The following AGBL1 variants were observed in gnomAD, a reference collection of about 807,000 sequenced individuals.
The protein encoded by AGBL1 is cytosolic carboxypeptidase 4.
A neutral mutation model predicts 118.9 loss-of-function variants in AGBL1; 130 were observed. That is an observed-to-expected ratio of 1.09 (90% CI 0.95 to 1.26). AGBL1 has a LOEUF of 1.26. Ranked by LOEUF, AGBL1 falls within the 50% of genes most tolerant of loss-of-function variation. The pLI is 0.00. For missense variants in AGBL1, 1,584 were observed against 1,298.1 expected (o/e 1.22, Z -3.38); for synonymous variants, 555 against 478.9 (o/e 1.16, Z -2.08).
rs193099605 is a variant in AGBL1 at position 86,366,642 on chromosome 15, C to G, written c.2375-30724C>G. On this transcript the variant is annotated intron_variant, in intron 17 of 22. Transcript: ENST00000614907. ...TCTTGCCCGTTCTTATTTGTTCAGTCTCTGAACTACTCTTTGGAAGGATGT... is the reference window on the plus strand; with the variant it reads ...TCTTGCCCGTTCTTATTTGTTCAGTGTCTGAACTACTCTTTGGAAGGATGT... Among the ~76,000 whole-genome samples the G allele has an allele frequency of 3.4e-4, 52 of 152,272 alleles. 1 individual carries two copies. The East Asian group carries it at 9.6e-3, about 28-fold the overall frequency.
At chr15:86,741,469 A>G (rs986442609) in intron 22 of AGBL1, among the ~76,000 whole-genome samples, 2 of 147,888 alleles carry the variant, frequency 1.4e-5, no homozygotes, top group Non-Finnish European at 3.0e-5. Flanking sequence ...GAAATGATGA[A>G]TGATTAGAAA....
intron 22 of AGBL1, among the ~76,000 whole-genome samples, chr15:86,796,708 C>T (rs1389675872): frequency 6.6e-6 from 1 of 152,180 alleles, no homozygotes; most frequent in East Asian, 1.9e-4. Flanking sequence ...ATTATTAGAA[C>T]ATAGCTACAC....
chr15:86,928,743 A>G (rs763309950), intron 23 of AGBL1, among the ~76,000 whole-genome samples: 7 of 152,200 alleles, frequency 4.6e-5, no homozygotes, highest in Non-Finnish European at 1.0e-4. Flanking sequence ...TGTTTCTGGC[A>G]ATAAAGCATT....
chr15:86,225,046 T>TC, intron 6 of AGBL1, 95 bp downstream of exon 6: 1 of 1,218,880 alleles, frequency 8.2e-7, no homozygotes. Context: ...TTTTTTTTTT[T>TC]TTCATGAACT....
chr15:86,402,481 A>G (rs2081463464), intron 18 of AGBL1, among the ~76,000 whole-genome samples: 1 of 152,126 alleles, frequency 6.6e-6, no homozygotes, highest in Admixed American at 6.6e-5. Context: ...GACTTCAAGT[A>G]CTATGTTGAA....
chr15:86,095,935 T>C (rs1489965123), intron 1 of AGBL1, among the ~76,000 whole-genome samples: 2 of 152,118 alleles, frequency 1.3e-5, no homozygotes, highest in Admixed American at 6.6e-5. Flanking sequence ...AAATAAGTGG[T>C]AGTGAAGAGA....
chr15:86,381,614 G>C (rs1272334123), intron 17 of AGBL1, among the ~76,000 whole-genome samples: 1 of 152,130 alleles, frequency 6.6e-6, no homozygotes, highest in East Asian at 1.9e-4. Context: ...GGGCCAGACA[G>C]CATAGGAGAA....
At chr15:86,857,733 G>T (rs2079503856) in intron 22 of AGBL1, among the ~76,000 whole-genome samples, 1 of 152,164 alleles carries the variant, frequency 6.6e-6, no homozygotes, top group Non-Finnish European at 1.5e-5. Flanking sequence ...GGCAAGGACG[G>T]TGTCCGTCTC....
chr15:86,394,396 C>G (rs1170579982), intron 17 of AGBL1, among the ~76,000 whole-genome samples: 1 of 152,146 alleles, frequency 6.6e-6, no homozygotes, highest in African/African-American at 2.4e-5. Context: ...TGTCAAATAT[C>G]ATTCTCCCTA....
chr15:86,429,203 G>A (rs2142035827), intron 18 of AGBL1, among the ~76,000 whole-genome samples: 1 of 152,308 alleles, frequency 6.6e-6, no homozygotes. Context: ...TCATACTCCG[G>A]ATGGCAAGAA....
chr15:86,966,341 ATACTT>A (rs2081052841), intron 23 of AGBL1, among the ~76,000 whole-genome samples: 1 of 132,036 alleles, frequency 7.6e-6, no homozygotes, highest in African/African-American at 2.8e-5. Context: ...TTTTATTATT[ATACTT>A]TAAGTTTTGG....
chr15:86,883,629 C>T (rs182936536), intron 22 of AGBL1, among the ~76,000 whole-genome samples: 7 of 152,142 alleles, frequency 4.6e-5, no homozygotes, highest in South Asian at 2.1e-4. Context: ...AAGCCCATCT[C>T]GCCCCGACTC....
rs917463699 is a variant in AGBL1 at position 86,671,944 on chromosome 15, C to G, written c.2995-2329C>G. ...TGCCTTTGAAAAATTCTCTTCCACA[C>G]CAGTGATGGGGTGTGAGAGGAGGTC... On this transcript the variant is annotated intron_variant, in intron 21 of 22. Coordinates refer to ENST00000614907, the MANE Select transcript of AGBL1 (RefSeq NM_001386094.1). Among the ~76,000 whole-genome samples the G allele has an allele frequency of 2.6e-5, 4 of 152,138 alleles. No individual in the cohort carries two copies. The East Asian group carries it at 7.7e-4, about 29-fold the overall frequency.
intron 24 of AGBL1, among the ~76,000 whole-genome samples, chr15:86,994,579 G>A (rs1318856369): frequency 6.6e-6 from 1 of 152,028 alleles, no homozygotes; most frequent in Non-Finnish European, 1.5e-5. Flanking sequence ...CCCAGACAAT[G>A]AAAAAATGAT....
At chr15:86,581,722 C>T (rs1158652634) in intron 21 of AGBL1, among the ~76,000 whole-genome samples, 3 of 152,032 alleles carry the variant, frequency 2.0e-5, no homozygotes, top group Non-Finnish European at 2.9e-5. Flanking sequence ...TCCTCTCCCC[C>T]AAATCTCTCT....
chr15:86,296,492 C>A (rs2079644506), intron 17 of AGBL1: 1 of 152,172 alleles, frequency 6.6e-6, no homozygotes, highest in African/African-American at 2.4e-5. Context: ...GAAGATACAG[C>A]CTTCCCTGAT....
chr15:86,557,438 C>T (rs1391179871), intron 21 of AGBL1, among the ~76,000 whole-genome samples: 1 of 152,182 alleles, frequency 6.6e-6, no homozygotes, highest in East Asian at 1.9e-4. Flanking sequence ...CCCAAGCAGG[C>T]TGTCAGCTTG....
intron 21 of AGBL1, among the ~76,000 whole-genome samples, chr15:86,569,174 G>A (rs2083963160): frequency 6.6e-6 from 1 of 152,140 alleles, no homozygotes; most frequent in African/African-American, 2.4e-5. Context: ...GCTCATGCCT[G>A]TTATCCCAAC....
chr15:86,869,965 T>C (rs890134218), intron 22 of AGBL1, among the ~76,000 whole-genome samples: 8 of 152,298 alleles, frequency 5.3e-5, no homozygotes, highest in African/African-American at 1.9e-4. Flanking sequence ...CAAAATAGGC[T>C]AATCCATTGC....
Sources: allele counts gnomAD v4.1 joint callset (sites outside exome capture counted in the v4.1 genomes callset), GRCh38; gene constraint gnomAD v4.1.1; transcripts MANE v1.5; gene names NCBI Gene and HGNC (gene_info 2026-07-23, HGNC 2026-07-21).